The following GRIN2B variants were observed in gnomAD, a reference collection of about 807,000 sequenced individuals.
GRIN2B encodes the protein glutamate ionotropic receptor NMDA type subunit 2B.
GRIN2B carries 5 observed loss-of-function variants against 114.5 expected under a neutral mutation model. That is an observed-to-expected ratio of 0.04 (90% CI 0.02 to 0.09). The LOEUF is 0.09. Among genes scored for constraint, GRIN2B ranks in the 10% least tolerant of loss-of-function variants. The pLI is 1.00. For synonymous variants in GRIN2B, 787 were observed against 745.1 expected, an observed-to-expected ratio of 1.06 and a Z score of -0.92; for missense variants, 1,108 against 1,943.5, an observed-to-expected ratio of 0.57 and a Z score of 8.08.
chr12:13,976,031 C>T (rs1009417992), intron 2 of GRIN2B, among the ~76,000 whole-genome samples: 1 of 152,228 alleles, frequency 6.6e-6, no homozygotes, highest in Non-Finnish European at 1.5e-5. Context: ...TTCACAATCC[C>T]CCAAAATGTT....
chr12:13,971,041 C>G (rs1432231028), intron 2 of GRIN2B, among the ~76,000 whole-genome samples: 1 of 152,186 alleles, frequency 6.6e-6, no homozygotes, highest in Admixed American at 6.5e-5. Context: ...TGCATGGTAA[C>G]AAATTCCAGG....
At chr12:13,580,413 T>C (rs1948832256) in intron 10 of GRIN2B, among the ~76,000 whole-genome samples, 1 of 152,230 alleles carries the variant, frequency 6.6e-6, no homozygotes, top group Non-Finnish European at 1.5e-5. Flanking sequence ...ATATGAGATA[T>C]AGAATCTGGG....
At chr12:13,807,649 G>T (rs1238974128) in intron 3 of GRIN2B, among the ~76,000 whole-genome samples, 24 of 150,092 alleles carry the variant, frequency 1.6e-4, no homozygotes, top group Admixed American at 1.6e-3. Flanking sequence ...TGCAGAACAG[G>T]GCCTTTGATT....
intron 4 of GRIN2B, among the ~76,000 whole-genome samples, chr12:13,686,934 T>C (rs926412814): frequency 2.0e-5 from 3 of 152,170 alleles, no homozygotes; most frequent in African/African-American, 7.2e-5. Flanking sequence ...GATAAGTTCC[T>C]TCTTTATCAG....
chr12:13,835,795 A>T (rs1195218185), intron 3 of GRIN2B, among the ~76,000 whole-genome samples: 1 of 137,270 alleles, frequency 7.3e-6, no homozygotes, highest in Non-Finnish European at 1.6e-5. Flanking sequence ...AAAAAAAAAA[A>T]GAAAGCCAGC....
chr12:13,747,305 G>T (rs1863402308), intron 4 of GRIN2B, among the ~76,000 whole-genome samples: 1 of 152,162 alleles, frequency 6.6e-6, no homozygotes, highest in Non-Finnish European at 1.5e-5. Flanking sequence ...TTACTGAAAT[G>T]ACCATCTATA....
chr12:13,859,436 C>A (rs1050369042), intron 3 of GRIN2B, among the ~76,000 whole-genome samples: 5 of 152,172 alleles, frequency 3.3e-5, no homozygotes, highest in Non-Finnish European at 7.4e-5. Flanking sequence ...TGCTGGCCAA[C>A]AAGAAACACA....
At chr12:13,974,009 C>T (rs1470867720) in intron 2 of GRIN2B, among the ~76,000 whole-genome samples, 5 of 152,190 alleles carry the variant, frequency 3.3e-5, no homozygotes, top group Admixed American at 2.6e-4. Flanking sequence ...TCTAAATAGA[C>T]TACCAAAAAG....
intron 2 of GRIN2B, among the ~76,000 whole-genome samples, chr12:13,912,412 G>T (rs987669875): frequency 1.3e-5 from 2 of 152,174 alleles, no homozygotes; most frequent in African/African-American, 4.8e-5. Context: ...GGAAATGATG[G>T]GTGAACAACG....
At chr12:13,806,957 T>C (rs529375352) in intron 3 of GRIN2B, among the ~76,000 whole-genome samples, 12 of 152,212 alleles carry the variant, frequency 7.9e-5, no homozygotes, top group East Asian at 1.9e-4. Flanking sequence ...AGTCTGCCAC[T>C]TAAAATTACT....
chr12:13,566,721 G>T (rs181820939), intron 13 of GRIN2B, among the ~76,000 whole-genome samples: 1 of 152,320 alleles, frequency 6.6e-6, no homozygotes, highest in Admixed American at 6.5e-5. Flanking sequence ...ACCAACTAAT[G>T]GTGATGAAAG....
intron 3 of GRIN2B, among the ~76,000 whole-genome samples, chr12:13,755,430 G>C (rs1191149672): frequency 2.6e-5 from 4 of 152,124 alleles, no homozygotes; most frequent in Non-Finnish European, 5.9e-5. Flanking sequence ...TGAAACCCTG[G>C]ATGTTTGGTC....
chr12:13,669,560 C>A (rs540648470), intron 5 of GRIN2B, among the ~76,000 whole-genome samples: 1 of 152,192 alleles, frequency 6.6e-6, no homozygotes, highest in South Asian at 2.1e-4. Context: ...CTGGAGAGAG[C>A]ATGAATATCC....
At chr12:13,843,815 T>C (rs1228466428) in intron 3 of GRIN2B, among the ~76,000 whole-genome samples, 1 of 152,216 alleles carries the variant, frequency 6.6e-6, no homozygotes, top group African/African-American at 2.4e-5. Context: ...AATCACCAAA[T>C]CTCTTTGAAA....
Position 13,817,172 on chromosome 12 carries a change from A to G in GRIN2B, c.411+48626T>C, listed in dbSNP as rs545529019. Among the ~76,000 whole-genome samples, 63 of 152,290 alleles carry G rather than the reference A, an allele frequency of 4.1e-4. 1 individual carries two copies. The highest frequency in any genetic ancestry group is 1.3e-3 in the African/African-American group (56 of 41,560). ...GGAAATGGTTTTCTAGAATCAGAAA[A>G]GTCCAACAGAAGGAAGCATGGGCTC... On this transcript the variant is annotated intron_variant, in intron 3 of 13. Coordinates refer to ENST00000609686, the MANE Select transcript of GRIN2B (RefSeq NM_000834.5).
Position 13,561,607 on chromosome 12 carries a change from C to G in GRIN2B, c.*1176G>C, listed in dbSNP as rs2136400387. 1 of 152,738 alleles carries G rather than the reference C, an allele frequency of 6.5e-6. No individual in the cohort carries two copies. The highest frequency in any genetic ancestry group is 1.9e-4 in the East Asian group (1 of 5,172). 9.5% of individuals were successfully genotyped at this position (152,738 alleles called of 1,614,324 possible). ...TTACTTCTTCAAAGGTGGCTTCGTTCTTCCCCAAACCTTGGCCAGTCGAGA... is the reference window on the plus strand; with the variant it reads ...TTACTTCTTCAAAGGTGGCTTCGTTGTTCCCCAAACCTTGGCCAGTCGAGA... On this transcript the variant is annotated 3_prime_UTR_variant, in exon 14 of 14. Transcript: ENST00000609686.
At chr12:13,768,189 C>G (rs1436689368) in intron 3 of GRIN2B, among the ~76,000 whole-genome samples, 1 of 152,194 alleles carries the variant, frequency 6.6e-6, no homozygotes, top group Non-Finnish European at 1.5e-5. Flanking sequence ...TTTAGACTAC[C>G]TGCCCTGGTT....
At chr12:13,904,300 T>G (rs969630780) in intron 2 of GRIN2B, among the ~76,000 whole-genome samples, 1 of 152,060 alleles carries the variant, frequency 6.6e-6, no homozygotes, top group African/African-American at 2.4e-5. Context: ...ATTCTACACT[T>G]GGTTTCTGGT....
chr12:13,623,294 G>C (rs770483336), intron 5 of GRIN2B, among the ~76,000 whole-genome samples: 1 of 152,096 alleles, frequency 6.6e-6, no homozygotes, highest in Non-Finnish European at 1.5e-5. Flanking sequence ...TACATATCTT[G>C]GTATTTCTAA....
Sources: allele counts gnomAD v4.1 joint callset (sites outside exome capture counted in the v4.1 genomes callset), GRCh38; gene constraint gnomAD v4.1.1; transcripts MANE v1.5; gene names NCBI Gene and HGNC (gene_info 2026-07-23, HGNC 2026-07-21).